AKAP19: variants seen among roughly 807,000 people sequenced by gnomAD.
The protein encoded by AKAP19 is small A-kinase anchoring protein.
the AKAP19 span, among the ~76,000 whole-genome samples, chr2:190,133,209 G>A: frequency 8.3e-6 from 1 of 120,646 alleles, no homozygotes; most frequent in African/African-American, 3.2e-5. Flanking sequence ...CTGCACTCCA[G>A]CCTGGGAGAC....
At chr2:190,061,686 T>G in the AKAP19 span, among the ~76,000 whole-genome samples, 1 of 152,220 alleles carries the variant, frequency 6.6e-6, no homozygotes, top group East Asian at 1.9e-4. Context: ...TTGCATATTC[T>G]TCAGTGTAAT....
the AKAP19 span, among the ~76,000 whole-genome samples, chr2:190,199,365 T>G: frequency 6.6e-6 from 1 of 152,102 alleles, no homozygotes; most frequent in Non-Finnish European, 1.5e-5. Flanking sequence ...TAGCTGGAAT[T>G]TGGCCCAATG....
At chr2:189,958,529 A>ATC in the AKAP19 span, among the ~76,000 whole-genome samples, 2 of 139,326 alleles carry the variant, frequency 1.4e-5, no homozygotes, top group Non-Finnish European at 3.0e-5. Flanking sequence ...TAACATATAT[A>ATC]TATATATATA....
the AKAP19 span, among the ~76,000 whole-genome samples, chr2:190,136,920 A>G: frequency 6.6e-6 from 1 of 152,222 alleles, no homozygotes; most frequent in African/African-American, 2.4e-5. Flanking sequence ...AGGACCAGGA[A>G]TGTGCTTTTG....
chr2:189,909,148 TC>T, the AKAP19 span, among the ~76,000 whole-genome samples: 1 of 151,996 alleles, frequency 6.6e-6, no homozygotes, highest in African/African-American at 2.4e-5. Flanking sequence ...TAATTTCAAG[TC>T]TATTTTGTCT....
the AKAP19 span, among the ~76,000 whole-genome samples, chr2:190,059,101 C>T: frequency 4.6e-5 from 7 of 151,164 alleles, no homozygotes; most frequent in African/African-American, 1.7e-4. Flanking sequence ...ATCTGATCTG[C>T]TAATTATATC....
chr2:189,896,343 T>C, the AKAP19 span, among the ~76,000 whole-genome samples: 2 of 152,180 alleles, frequency 1.3e-5, no homozygotes. Context: ...AATTTTATCT[T>C]GATTTTCATA....
At chr2:190,022,404 C>T in the AKAP19 span, among the ~76,000 whole-genome samples, 1 of 152,086 alleles carries the variant, frequency 6.6e-6, no homozygotes, top group African/African-American at 2.4e-5. Flanking sequence ...ACCCAAATAT[C>T]CCAGGAGTAA....
the AKAP19 span, among the ~76,000 whole-genome samples, chr2:190,184,366 G>C: frequency 1.3e-5 from 2 of 152,180 alleles, no homozygotes; most frequent in South Asian, 4.1e-4. Flanking sequence ...CATGTAAACA[G>C]CCTGCAAGAG....
At chr2:190,189,229 A>G in the AKAP19 span, among the ~76,000 whole-genome samples, 5 of 152,208 alleles carry the variant, frequency 3.3e-5, no homozygotes, top group Non-Finnish European at 7.3e-5. Context: ...ATTAACTTCA[A>G]AGATGGGACA....
At chr2:189,965,451 GA>G in the AKAP19 span, among the ~76,000 whole-genome samples, 1 of 151,890 alleles carries the variant, frequency 6.6e-6, no homozygotes, top group African/African-American at 2.4e-5. Flanking sequence ...AAATTAGCAA[GA>G]AAAAAACCAA....
the AKAP19 span, among the ~76,000 whole-genome samples, chr2:190,034,780 G>C: frequency 6.7e-6 from 1 of 149,804 alleles, no homozygotes; most frequent in Admixed American, 6.7e-5. Flanking sequence ...CTTGAACCGG[G>C]GAGGCAGAGG....
At chr2:189,905,922 G>A in the AKAP19 span, among the ~76,000 whole-genome samples, 1 of 151,986 alleles carries the variant, frequency 6.6e-6, no homozygotes, top group Admixed American at 6.6e-5. Context: ...AATTTGAATT[G>A]GATTGCAGAC....
the AKAP19 span, among the ~76,000 whole-genome samples, chr2:190,000,855 C>T: frequency 2.0e-5 from 3 of 152,186 alleles, no homozygotes; most frequent in East Asian, 5.8e-4. Context: ...TTGTATTTAT[C>T]TTACTTGGGG....
At chr2:190,119,083 CAG>C in the AKAP19 span, among the ~76,000 whole-genome samples, 7 of 152,316 alleles carry the variant, frequency 4.6e-5, no homozygotes, top group Non-Finnish European at 8.8e-5. Context: ...AACAGACAAA[CAG>C]AGAGCCAAAT....
At chr2:190,185,277 T>A in the AKAP19 span, among the ~76,000 whole-genome samples, 1 of 152,224 alleles carries the variant, frequency 6.6e-6, no homozygotes, top group Non-Finnish European at 1.5e-5. Flanking sequence ...TCCTCTACCC[T>A]CTTAGGTTTG....
the AKAP19 span, among the ~76,000 whole-genome samples, chr2:190,022,302 T>C: frequency 6.6e-6 from 1 of 152,114 alleles, no homozygotes; most frequent in Non-Finnish European, 1.5e-5. Flanking sequence ...CAAAAGATCA[T>C]ATACGGATTG....
the AKAP19 span, among the ~76,000 whole-genome samples, chr2:189,972,146 A>G: frequency 6.6e-6 from 1 of 152,056 alleles, no homozygotes; most frequent in Non-Finnish European, 1.5e-5. Context: ...TCCATCTTGA[A>G]TTAATTTTTG....
chr2:190,185,010 T>TTTAAACTTTAAACTTTAAACTTC, the AKAP19 span, among the ~76,000 whole-genome samples: 1 of 152,192 alleles, frequency 6.6e-6, no homozygotes, highest in Admixed American at 6.5e-5. Flanking sequence ...AAACTTTAAA[T>TTTAAACTTTAAACTTTAAACTTC]GGCAAAATTT....
Sources: allele counts gnomAD v4.1 joint callset (sites outside exome capture counted in the v4.1 genomes callset), GRCh38; gene constraint gnomAD v4.1.1; transcripts MANE v1.5; gene names NCBI Gene and HGNC (gene_info 2026-07-23, HGNC 2026-07-21).